Variants in TDRD5 observed in about 807,000 individuals in gnomAD.
TDRD5 encodes the protein tudor domain containing 5.
TDRD5 carries 41 observed loss-of-function variants against 120.6 expected under a neutral mutation model. The observed-to-expected ratio is 0.34, with a 90% CI of 0.26 to 0.44. TDRD5 has a LOEUF of 0.44. TDRD5 is among the 20% of genes least tolerant of loss of function. TDRD5 has a pLI of 1.00. For missense variants in TDRD5, 1,006 were observed against 1,221.2 expected (o/e 0.82, Z 2.63); for synonymous variants, 430 against 433.7 (o/e 0.99, Z 0.11).
intron 6 of TDRD5, among the ~76,000 whole-genome samples, chr1:179,627,945 G>A (rs1465752851): frequency 6.6e-6 from 1 of 152,148 alleles, no homozygotes; most frequent in Non-Finnish European, 1.5e-5. Flanking sequence ...GAATGCTGCT[G>A]TTAAAACCCT....
intron 16 of TDRD5, among the ~76,000 whole-genome samples, chr1:179,667,374 G>C (rs527373909): frequency 2.0e-5 from 3 of 152,260 alleles, no homozygotes; most frequent in African/African-American, 7.2e-5. Flanking sequence ...AAATGTTTCT[G>C]TATATTATCT....
At chr1:179,622,911 A>C (rs1361218171) in intron 6 of TDRD5, among the ~76,000 whole-genome samples, 1 of 152,196 alleles carries the variant, frequency 6.6e-6, no homozygotes, top group Non-Finnish European at 1.5e-5. Context: ...AACCCCAAAC[A>C]AGTAATACAG....
At chr1:179,634,076 C>T (rs915122138) in intron 7 of TDRD5, among the ~76,000 whole-genome samples, 2 of 150,990 alleles carry the variant, frequency 1.3e-5, no homozygotes, top group Admixed American at 6.6e-5. Context: ...GAGGCTGAGG[C>T]AGGAGAATGG....
intron 14 of TDRD5, among the ~76,000 whole-genome samples, 178 bp downstream of exon 14, chr1:179,654,540 G>A (rs1308404734): frequency 3.3e-5 from 5 of 152,086 alleles, no homozygotes; most frequent in East Asian, 1.9e-4. Context: ...TGAGGTGGGC[G>A]GATCACTTGA....
At chr1:179,690,317 T>G (rs1681069102) in intron 17 of TDRD5, among the ~76,000 whole-genome samples, 1 of 152,212 alleles carries the variant, frequency 6.6e-6, no homozygotes. Flanking sequence ...GGCAATAGAA[T>G]GCCTGTGGGA....
At chr1:179,612,675 C>T (rs772710180) in intron 4 of TDRD5, among the ~76,000 whole-genome samples, 6 of 152,120 alleles carry the variant, frequency 3.9e-5, no homozygotes, top group Non-Finnish European at 7.4e-5. Context: ...TGGCTCATGC[C>T]TGTAATCCTA....
chr1:179,627,047 G>A (rs1677167743), intron 6 of TDRD5, among the ~76,000 whole-genome samples: 1 of 152,064 alleles, frequency 6.6e-6, no homozygotes, highest in Admixed American at 6.6e-5. Context: ...GACTTATAAA[G>A]GAAACAAAAG....
At chr1:179,685,669 CA>C (rs765445517) in intron 17 of TDRD5, among the ~76,000 whole-genome samples, 30 of 152,342 alleles carry the variant, frequency 2.0e-4, no homozygotes, top group African/African-American at 2.9e-4. Context: ...TCTTCCTATC[CA>C]TGAGCATGGA....
intron 11 of TDRD5, among the ~76,000 whole-genome samples, chr1:179,645,629 G>A (rs72706756): frequency 0.038 from 5,790 of 152,120 alleles, 175 homozygotes; most frequent in East Asian, 0.11. Flanking sequence ...ACTCTTATTC[G>A]TTCTGATTTT....
intron 4 of TDRD5, among the ~76,000 whole-genome samples, chr1:179,602,900 C>G (rs2101923440): frequency 6.6e-6 from 1 of 152,144 alleles, no homozygotes; most frequent in South Asian, 2.1e-4. Flanking sequence ...ATTGTTTTTT[C>G]TAATTCTGTG....
chr1:179,654,104 A>C, intron 13 of TDRD5, 97 bp from the exon 14 acceptor site: 1 of 1,000,704 alleles, frequency 1.0e-6, no homozygotes, highest in Non-Finnish European at 1.4e-6. Context: ...ATTTGTGTGA[A>C]CCATAGCAAA....
At chr1:179,602,292 T>C (rs1675757091) in intron 4 of TDRD5, among the ~76,000 whole-genome samples, 1 of 152,242 alleles carries the variant, frequency 6.6e-6, no homozygotes, top group Non-Finnish European at 1.5e-5. Flanking sequence ...TGATTTGCAT[T>C]TCCCTGATCA....
At chr1:179,651,222 T>C (rs1443835443) in intron 12 of TDRD5, among the ~76,000 whole-genome samples, 155 bp downstream of exon 12, 1 of 152,264 alleles carries the variant, frequency 6.6e-6, no homozygotes, top group Non-Finnish European at 1.5e-5. Context: ...GCACTCTTAA[T>C]TTTCAGATGA....
In TDRD5 at chr1:179,635,708, A is replaced by G. The variant is rs144382762; in HGVS notation, c.1341A>G (p.Ala447=). 15 of 1,613,974 alleles carry G rather than the reference A, an allele frequency of 9.3e-6. No homozygotes were observed. In the African/African-American group the frequency reaches 1.9e-4, roughly 20 times the overall value. Reference sequence around the variant, plus strand: ...AATCAGAGCTCAACTTGGCAATGGCAAATCATGACATCCCGCCAGACGCTG... The same window carrying G: ...AATCAGAGCTCAACTTGGCAATGGCGAATCATGACATCCCGCCAGACGCTG... The part of the protein sequence containing the change: ...TNKSELNLAM[A]NHDIPPDAVP... Residue 447 remains alanine, a synonymous_variant, in exon 9 of 18, where the codon GCA becomes GCG. Coordinates refer to ENST00000444136, the MANE Select transcript of TDRD5 (RefSeq NM_001199085.3).
chr1:179,664,275 TTG>T (rs1174467630), intron 16 of TDRD5, among the ~76,000 whole-genome samples: 3 of 152,120 alleles, frequency 2.0e-5, no homozygotes, highest in African/African-American at 7.2e-5. Context: ...CTTTTATATT[TTG>T]TTTCTCTTGT....
At chr1:179,592,400 C>CTG (rs1258719942) in intron 1 of TDRD5, 6 of 531,428 alleles carry the variant, frequency 1.1e-5, no homozygotes, top group Non-Finnish European at 1.7e-5. Flanking sequence ...TTCTTGACAC[C>CTG]TGTAGCTTAA....
chr1:179,659,923 C>T (rs1161257686), intron 14 of TDRD5, among the ~76,000 whole-genome samples: 5 of 151,850 alleles, frequency 3.3e-5, no homozygotes, highest in East Asian at 1.9e-4. Context: ...CTTGAACTCC[C>T]GACCTCAGAT....
In TDRD5 at chr1:179,611,868, T is replaced by G. The variant is rs543573937; in HGVS notation, c.832-6731T>G. ...ACATTTCACTTCCAGTTGAAGTTTT[T>G]GCCACCAGAACAATTTAAATCTTGT... is the stretch of plus-strand genomic sequence containing the variant. On this transcript the variant is annotated intron_variant, in intron 4 of 17. Transcript: ENST00000444136. Among the ~76,000 whole-genome samples, 14 of 152,304 alleles carry G rather than the reference T, an allele frequency of 9.2e-5. No homozygotes were observed. In the South Asian group the frequency reaches 2.9e-3, roughly 32 times the overall value.
chr1:179,595,259 T>C (rs1675327879), intron 3 of TDRD5, among the ~76,000 whole-genome samples: 1 of 152,164 alleles, frequency 6.6e-6, no homozygotes, highest in Non-Finnish European at 1.5e-5. Flanking sequence ...CTACTAGTGG[T>C]TATCCAGTTT....
Sources: gnomAD v4.1 joint callset for allele counts (sites outside exome capture counted in the v4.1 genomes callset) on GRCh38, gnomAD v4.1.1 for gene constraint, MANE v1.5 for transcripts, NCBI Gene and HGNC (gene_info 2026-07-23, HGNC 2026-07-21) for gene names.